Variants in PLCE1 observed in about 807,000 individuals in gnomAD.
PLCE1 encodes phospholipase C epsilon 1.
PLCE1 carries 119 observed loss-of-function variants against 242.8 expected under a neutral mutation model. The ratio of observed to expected loss-of-function variants is 0.49; its 90% CI spans 0.42 to 0.57. The LOEUF (loss-of-function observed/expected upper bound fraction) is 0.57. PLCE1 is among the 20% of genes least tolerant of loss of function. The probability of loss-of-function intolerance (pLI) is 0.00; values close to 1 mark genes in which losing one functional copy is unlikely to be tolerated. For missense variants in PLCE1, 2,441 were observed against 2,788.8 expected (o/e 0.88, Z 2.81); for synonymous variants, 945 against 1,017.4 (o/e 0.93, Z 1.35).
intron 1 of PLCE1, among the ~76,000 whole-genome samples, chr10:93,997,094 A>G (rs1174862049): frequency 7.9e-5 from 12 of 152,200 alleles, no homozygotes. Context: ...ACTTTTATCA[A>G]TTAACGCATT....
chr10:94,272,038 G>A (rs1481991502), intron 18 of PLCE1, among the ~76,000 whole-genome samples: 1 of 152,180 alleles, frequency 6.6e-6, no homozygotes. Flanking sequence ...CTCCTGATAA[G>A]GGTCTACGTT....
At chr10:94,261,123 G>T (rs771322114) in intron 13 of PLCE1, among the ~76,000 whole-genome samples, 1 of 152,112 alleles carries the variant, frequency 6.6e-6, no homozygotes, top group Non-Finnish European at 1.5e-5. Flanking sequence ...TGCCCTGAAA[G>T]TTCCTTATGC....
intron 6 of PLCE1, 25 bp from the exon 7 acceptor site, chr10:94,235,890 G>T (rs752930243): frequency 6.3e-7 from 1 of 1,598,500 alleles, no homozygotes; most frequent in East Asian, 2.2e-5. Flanking sequence ...AGTTGCAATA[G>T]CAAATTCTCG....
At chr10:94,212,533 G>A (rs1393867763) in intron 4 of PLCE1, among the ~76,000 whole-genome samples, 2 of 152,154 alleles carry the variant, frequency 1.3e-5, no homozygotes, top group African/African-American at 2.4e-5. Flanking sequence ...TGGGATTACA[G>A]GCATGAGCCA....
At chr10:94,124,251 G>A (rs1292876835) in intron 2 of PLCE1, among the ~76,000 whole-genome samples, 2 of 151,930 alleles carry the variant, frequency 1.3e-5, no homozygotes, top group East Asian at 3.9e-4. Context: ...TAGTGGTGGT[G>A]CCTGTAGTCC....
At chr10:94,239,739 G>A (rs1359664478) in intron 7 of PLCE1, among the ~76,000 whole-genome samples, 1 of 152,014 alleles carries the variant, frequency 6.6e-6, no homozygotes, top group Non-Finnish European at 1.5e-5. Context: ...CAACCCCATA[G>A]GGATAGGAAA....
intron 7 of PLCE1, among the ~76,000 whole-genome samples, chr10:94,241,996 C>T (rs1008716154): frequency 1.3e-5 from 2 of 152,014 alleles, no homozygotes; most frequent in African/African-American, 4.8e-5. Context: ...TGAGCATTGT[C>T]TTTTTGCCAT....
chr10:94,166,875 T>C (rs914114000), intron 3 of PLCE1, among the ~76,000 whole-genome samples: 1 of 152,214 alleles, frequency 6.6e-6, no homozygotes, highest in Non-Finnish European at 1.5e-5. Context: ...AGAGCTCAAT[T>C]AATGGCTTCC....
intron 4 of PLCE1, among the ~76,000 whole-genome samples, chr10:94,179,724 T>G (rs1396511021): frequency 6.6e-6 from 1 of 151,776 alleles, no homozygotes. Flanking sequence ...CAGGCTGGCC[T>G]CAAACTCCTG....
At chr10:94,132,088 T>G in intron 2 of PLCE1, 86 bp from the exon 3 acceptor site, 1 of 1,321,974 alleles carries the variant, frequency 7.6e-7, no homozygotes, top group Non-Finnish European at 1.1e-6. Context: ...TCTTTCTTAA[T>G]AAGTCATCTT....
intron 19 of PLCE1, among the ~76,000 whole-genome samples, chr10:94,275,816 T>C (rs1175479002): frequency 2.0e-5 from 3 of 151,302 alleles, no homozygotes; most frequent in African/African-American, 4.9e-5. Flanking sequence ...GTCTGGGCCA[T>C]AGAGTAAGAC....
At chr10:94,236,989 A>G (rs375472842) in intron 7 of PLCE1, among the ~76,000 whole-genome samples, 2 of 152,246 alleles carry the variant, frequency 1.3e-5, no homozygotes, top group African/African-American at 4.8e-5. Flanking sequence ...AAAATAAAAC[A>G]TACAAAAATG....
intron 4 of PLCE1, among the ~76,000 whole-genome samples, chr10:94,197,313 T>A (rs10748621): frequency 0.32 from 48,093 of 152,106 alleles, 8,770 homozygotes; most frequent in African/African-American, 0.51. Flanking sequence ...AGAAAAATGT[T>A]TGAGCATATG....
chr10:94,057,809 C>T (rs1357404516), intron 2 of PLCE1, among the ~76,000 whole-genome samples: 1 of 152,164 alleles, frequency 6.6e-6, no homozygotes, highest in Non-Finnish European at 1.5e-5. Flanking sequence ...ATCAAGGTGT[C>T]AGCTGGGGTT....
chr10:94,325,524 G>A, intron 32 of PLCE1: 1 of 185,048 alleles, frequency 5.4e-6, no homozygotes, highest in Non-Finnish European at 1.1e-5. Flanking sequence ...GAACTTGGAA[G>A]GCAGAGGTTG....
Position 94,031,177 on chromosome 10 carries a change from T to C in PLCE1, c.131T>C (p.Val44Ala). ...ATCAATATTTCAAAAGCACATACTG[T>C]CAGACGAAGTGGGGAGACTTCTCAT... The part of the protein sequence containing the change: ...SDINISKAHT[V>A]RRSGETSHTI... The change falls in exon 2 of 33, where the codon GTC (valine) becomes GCC (alanine). Residue 44 changes from valine to alanine, a missense_variant. This residue lies in a region of PLCE1 where 393 missense variants were observed against 378.5 expected (regional missense o/e 1.04). Transcript: ENST00000371380. 6.2e-7 allele frequency: 1 copy of C among 1,613,808 alleles called. No homozygotes were observed.
chr10:94,296,102 C>A (rs35084709), intron 23 of PLCE1, among the ~76,000 whole-genome samples: 2 of 152,012 alleles, frequency 1.3e-5, no homozygotes, highest in Admixed American at 6.5e-5. Flanking sequence ...GTGGCTCATG[C>A]CTGTAATCCC....
intron 1 of PLCE1, among the ~76,000 whole-genome samples, chr10:94,014,438 TAA>T (rs11396439): frequency 7.7e-5 from 11 of 142,742 alleles, no homozygotes; most frequent in Admixed American, 7.0e-5. Flanking sequence ...ATCCTGTCTT[TAA>T]AAAAAAAAAA....
chr10:94,322,136 C>T (rs1239604595), intron 30 of PLCE1, 77 bp downstream of exon 30: 2 of 1,353,162 alleles, frequency 1.5e-6, no homozygotes, highest in Non-Finnish European at 1.1e-6. Context: ...GCACTGATGG[C>T]TCATTTTATG....
Sources: gnomAD v4.1 joint callset for allele counts (sites outside exome capture counted in the v4.1 genomes callset) on GRCh38, gnomAD v4.1.1 for gene constraint, gnomAD v4.1.1 regional missense constraint, MANE v1.5 for transcripts, NCBI Gene and HGNC (gene_info 2026-07-23, HGNC 2026-07-21) for gene names.